The following ATP9A variants were observed in gnomAD, a reference collection of about 807,000 sequenced individuals.
ATP9A encodes ATPase phospholipid transporting 9A.
ATP9A carries 52 observed loss-of-function variants against 144.1 expected under a neutral mutation model. The observed-to-expected ratio is 0.36, with a 90% CI of 0.29 to 0.45. The LOEUF (loss-of-function observed/expected upper bound fraction) is 0.45. Ranked by LOEUF, ATP9A falls within the 20% of genes least tolerant of loss-of-function variation. ATP9A has a pLI of 1.00. For missense variants in ATP9A, 947 were observed against 1,392.7 expected (o/e 0.68, Z 5.09); for synonymous variants, 582 against 557.4 (o/e 1.04, Z -0.62).
intron 1 of ATP9A, among the ~76,000 whole-genome samples, chr20:51,741,473 G>A (rs1391319167): frequency 2.0e-5 from 3 of 152,042 alleles, no homozygotes; most frequent in African/African-American, 7.2e-5. Flanking sequence ...GCTACTCAGG[G>A]GGCTGACACA....
chr20:51,671,294 A>T (rs576367785), intron 11 of ATP9A, 37 bp from the exon 12 acceptor site: 1 of 1,602,982 alleles, frequency 6.2e-7, no homozygotes, highest in South Asian at 1.1e-5. Context: ...CTAACAGGAC[A>T]GATGTAAGGC....
intron 24 of ATP9A, among the ~76,000 whole-genome samples, 176 bp from the exon 25 acceptor site, chr20:51,608,802 T>C (rs2077173788): frequency 6.6e-6 from 1 of 152,138 alleles, no homozygotes; most frequent in Non-Finnish European, 1.5e-5. Flanking sequence ...TGGACAAAAA[T>C]GTCTGCCCTG....
intron 15 of ATP9A, among the ~76,000 whole-genome samples, chr20:51,637,488 AC>A (rs2077297326): frequency 6.6e-6 from 1 of 151,854 alleles, no homozygotes. Context: ...TGACAAGCAA[AC>A]CCGCAGGAAA....
chr20:51,717,598 C>A (rs1395167088), intron 3 of ATP9A, among the ~76,000 whole-genome samples: 1 of 151,852 alleles, frequency 6.6e-6, no homozygotes, highest in African/African-American at 2.4e-5. Context: ...GGAAAACAGG[C>A]CAGTCAGGAG....
intron 13 of ATP9A, among the ~76,000 whole-genome samples, chr20:51,668,231 C>T (rs1004327008): frequency 2.7e-5 from 4 of 147,508 alleles, no homozygotes; most frequent in Non-Finnish European, 4.5e-5. Context: ...GGAGCAGGTA[C>T]TGGAGAAGGG....
Position 51,601,250 on chromosome 20 carries a change from T to G in ATP9A, c.3105A>C (p.Arg1035Ser). Residue 1035 changes from arginine (R) to serine (S), a missense_variant, in exon 28 of 28, where the codon AGA (arginine) becomes AGC (serine). Transcript: ENST00000338821. Reference protein sequence around the residue: ...LPLYVLKYLRRRFSPPSYSKL... With the variant: ...LPLYVLKYLRSRFSPPSYSKL... The stretch of plus-strand genomic sequence containing the variant: ...TTGAGTAGCTGGGGGGAGAGAACCG[T>G]CTTCGCAGGTACTTGAGGACATAGA... The G allele has an allele frequency of 6.2e-7, 1 of 1,613,644 alleles. No individual in the cohort carries two copies. Among genetic ancestry groups the G allele is most frequent in the South Asian group, 1.1e-5 (1 of 91,010 alleles).
At chr20:51,656,428 CT>C (rs1364500737) in intron 14 of ATP9A, among the ~76,000 whole-genome samples, 2 of 152,066 alleles carry the variant, frequency 1.3e-5, no homozygotes, top group Non-Finnish European at 2.9e-5. Context: ...TGGTGGGTGC[CT>C]GTAATCCCAG....
At chr20:51,711,452 G>C (rs568080388) in intron 4 of ATP9A, among the ~76,000 whole-genome samples, 1 of 152,254 alleles carries the variant, frequency 6.6e-6, no homozygotes, top group Non-Finnish European at 1.5e-5. Context: ...TTCAGACCTT[G>C]GCTCAGGTGC....
At chr20:51,629,755 AC>A (rs1260353486) in intron 15 of ATP9A, among the ~76,000 whole-genome samples, 20 of 152,348 alleles carry the variant, frequency 1.3e-4, no homozygotes, top group Admixed American at 1.3e-3. Flanking sequence ...AGTGGGTAGC[AC>A]CATGGCACAG....
chr20:51,763,924 T>C (rs2077893224), intron 1 of ATP9A, among the ~76,000 whole-genome samples: 2 of 152,152 alleles, frequency 1.3e-5, no homozygotes, highest in Non-Finnish European at 2.9e-5. Flanking sequence ...TAGTTATTCA[T>C]TTTCCTAAAT....
intron 7 of ATP9A, among the ~76,000 whole-genome samples, chr20:51,692,740 T>G (rs2077553819): frequency 2.0e-5 from 3 of 152,136 alleles, no homozygotes; most frequent in Admixed American, 2.0e-4. Context: ...AGGTGGAGGT[T>G]GCAGTGAGCC....
rs184802036 is a variant in ATP9A, at chr20:51,611,577, G to A, written c.2572-1412C>T. On this transcript the variant is annotated intron_variant, in intron 23 of 27. Coordinates refer to ENST00000338821, the MANE Select transcript of ATP9A (RefSeq NM_006045.3). This position sits in a 1 kb window ranked among gnomAD's most constrained non-coding sequence, Gnocchi z 4.2. ...TCGGCCATTTTCAGCACAGTGGACAGGGGTTAAAGGCATTTTCTTTAGCAC... is the reference window on the plus strand; with the variant it reads ...TCGGCCATTTTCAGCACAGTGGACAAGGGTTAAAGGCATTTTCTTTAGCAC... 1.3e-5 allele frequency among the ~76,000 whole-genome samples: 2 copies of A among 152,318 alleles called. No homozygotes were observed. The highest frequency in any genetic ancestry group is 3.9e-4 in the East Asian group (2 of 5,188).
chr20:51,599,516 T>C lies in ATP9A; in HGVS notation c.*1695A>G, dbSNP rs571132000. 1.3e-5 allele frequency: 2 copies of C among 152,280 alleles called. No individual in the cohort carries two copies. Among genetic ancestry groups the C allele is most frequent in the East Asian group, 3.9e-4 (2 of 5,186 alleles). The allele number at this position is 152,280 out of a possible 1,614,324, so 9.4% of individuals were successfully genotyped here. Reference sequence around the variant, plus strand: ...CTCTGGCAGAAATGGCTGAATCAGATAGAGAAAAGTACTGCAAAACTGCAG... The same window carrying C: ...CTCTGGCAGAAATGGCTGAATCAGACAGAGAAAAGTACTGCAAAACTGCAG... On this transcript the variant is annotated 3_prime_UTR_variant, in exon 28 of 28. Coordinates refer to ENST00000338821, the MANE Select transcript of ATP9A (RefSeq NM_006045.3).
chr20:51,678,197 A>C (rs1419198933), intron 9 of ATP9A, among the ~76,000 whole-genome samples: 1 of 152,108 alleles, frequency 6.6e-6, no homozygotes, highest in East Asian at 1.9e-4. Flanking sequence ...CATCTGAGCC[A>C]AAACTTGGAA....
chr20:51,625,002 C>T (rs1243725424), intron 18 of ATP9A, among the ~76,000 whole-genome samples, 190 bp downstream of exon 18: 2 of 50,552 alleles, frequency 4.0e-5, no homozygotes, highest in African/African-American at 1.8e-4. Context: ...GAGACCCCGT[C>T]TCAAAAAAAA....
At chr20:51,738,603 G>A (rs1321279176) in intron 1 of ATP9A, among the ~76,000 whole-genome samples, 1 of 152,118 alleles carries the variant, frequency 6.6e-6, no homozygotes, top group Non-Finnish European at 1.5e-5. Context: ...CAGGTACTCG[G>A]GAGGATTGAC....
At chr20:51,690,950 G>A (rs2077546020) in intron 7 of ATP9A, 131 bp from the exon 8 acceptor site, 1 of 752,130 alleles carries the variant, frequency 1.3e-6, no homozygotes, top group East Asian at 2.5e-5. Context: ...TTACAGGGGA[G>A]GTGGAAAGAA....
chr20:51,721,179 G>A (rs1048964475), intron 3 of ATP9A, among the ~76,000 whole-genome samples: 1 of 152,232 alleles, frequency 6.6e-6, no homozygotes, highest in Non-Finnish European at 1.5e-5. Flanking sequence ...CCTGGTCCCT[G>A]AGCATCTGGC....
At chr20:51,722,288 A>G (rs74806653) in intron 3 of ATP9A, among the ~76,000 whole-genome samples, 1 of 152,126 alleles carries the variant, frequency 6.6e-6, no homozygotes, top group Non-Finnish European at 1.5e-5. Flanking sequence ...TTAGGCAAGG[A>G]TTTCATGACC....
Sources: gnomAD v4.1 joint callset for allele counts (sites outside exome capture counted in the v4.1 genomes callset) on GRCh38, gnomAD v4.1.1 for gene constraint, Gnocchi (gnomAD v3.1) non-coding constraint, MANE v1.5 for transcripts, NCBI Gene and HGNC (gene_info 2026-07-23, HGNC 2026-07-21) for gene names.